NOX4: variants seen among roughly 807,000 people sequenced by gnomAD.
NOX4 encodes the protein kidney oxidase-1.
NOX4 carries 69 observed loss-of-function variants against 87.6 expected under a neutral mutation model. The ratio of observed to expected loss-of-function variants is 0.79; its 90% CI spans 0.65 to 0.96. NOX4 has a LOEUF of 0.96. Ranked by LOEUF, NOX4 falls within the 40% of genes least tolerant of loss-of-function variation. The probability of loss-of-function intolerance (pLI) is 0.00; values close to 1 mark genes in which losing one functional copy is unlikely to be tolerated. For synonymous variants in NOX4, 275 were observed against 238.2 expected, an observed-to-expected ratio of 1.15 and a Z score of -1.42; for missense variants, 680 against 681.5, an observed-to-expected ratio of 1.00 and a Z score of 0.02.
At chr11:89,528,376 G>T in the NOX4 span, among the ~76,000 whole-genome samples, 1 of 152,130 alleles carries the variant, frequency 6.6e-6, no homozygotes, top group African/African-American at 2.4e-5. Flanking sequence ...AGGCATGATT[G>T]GTTCTGAAAT....
intron 8 of NOX4, among the ~76,000 whole-genome samples, chr11:89,410,025 C>T (rs1942392138): frequency 6.6e-6 from 1 of 151,690 alleles, no homozygotes; most frequent in Non-Finnish European, 1.5e-5. Flanking sequence ...CTTTTGAGAC[C>T]AGCCTGAGCA....
upstream of NOX4, among the ~76,000 whole-genome samples, chr11:89,500,761 A>G (rs1947008012): frequency 6.6e-6 from 1 of 152,088 alleles, no homozygotes; most frequent in South Asian, 2.1e-4. Flanking sequence ...AATTTAGATG[A>G]CCTTGTAAAT....
At chr11:89,431,551 G>A (rs1358089936) in intron 7 of NOX4, among the ~76,000 whole-genome samples, 1 of 152,154 alleles carries the variant, frequency 6.6e-6, no homozygotes, top group Non-Finnish European at 1.5e-5. Context: ...GATATGAACA[G>A]ACACCTCTCA....
chr11:89,361,077 AGTC>A lies in NOX4; in HGVS notation c.1136-6037_1136-6035del, dbSNP rs1437981612. On this transcript the variant is annotated intron_variant, in intron 12 of 17. Transcript: ENST00000263317. ...AGAACTTAAAGTAAAACAACCATTC[AGTC>A]CAGCAATCTCACTACTAGGTATCTA... 2.0e-5 allele frequency among the ~76,000 whole-genome samples: 3 copies of A among 152,236 alleles called. No homozygotes were observed. The East Asian group carries it at 5.8e-4, about 29-fold the overall frequency.
At chr11:89,585,622 C>A in the NOX4 span, among the ~76,000 whole-genome samples, 1 of 152,124 alleles carries the variant, frequency 6.6e-6, no homozygotes, top group Admixed American at 6.6e-5. Flanking sequence ...ACTTCATTTA[C>A]AAAACAAGCA....
chr11:89,523,519 C>T, the NOX4 span, among the ~76,000 whole-genome samples: 1 of 152,256 alleles, frequency 6.6e-6, no homozygotes, highest in East Asian at 1.9e-4. Context: ...AGATACATAA[C>T]CAGGCTTTGT....
At chr11:89,376,123 G>A (rs186952549) in intron 11 of NOX4, among the ~76,000 whole-genome samples, 5 of 152,166 alleles carry the variant, frequency 3.3e-5, no homozygotes, top group Admixed American at 2.0e-4. Context: ...ATATATCTTC[G>A]AATGCTAATC....
At chr11:89,384,338 C>G (rs1202398676) in intron 11 of NOX4, among the ~76,000 whole-genome samples, 1 of 152,140 alleles carries the variant, frequency 6.6e-6, no homozygotes, top group Non-Finnish European at 1.5e-5. Context: ...AGCAAATTAC[C>G]TGGGCTGTAC....
chr11:89,565,727 A>T, the NOX4 span, among the ~76,000 whole-genome samples: 13 of 132,090 alleles, frequency 9.8e-5, no homozygotes, highest in African/African-American at 2.0e-4. Context: ...AAAGTATAAT[A>T]AAAAAAAAAA....
chr11:89,486,435 A>G (rs1267390782), intron 2 of NOX4, among the ~76,000 whole-genome samples: 1 of 149,464 alleles, frequency 6.7e-6, no homozygotes, highest in African/African-American at 2.4e-5. Context: ...CTGCAATTAC[A>G]TGCATGTGCC....
the NOX4 span, among the ~76,000 whole-genome samples, chr11:89,580,439 C>A: frequency 6.6e-6 from 1 of 152,112 alleles, no homozygotes; most frequent in Non-Finnish European, 1.5e-5. Flanking sequence ...CCCTAGACTT[C>A]CTGAAGTGCA....
At chr11:89,481,502 G>A (rs748924194) in intron 2 of NOX4, among the ~76,000 whole-genome samples, 1 of 151,980 alleles carries the variant, frequency 6.6e-6, no homozygotes, top group Non-Finnish European at 1.5e-5. Flanking sequence ...CCTAGGCTGA[G>A]AGAATAGTAT....
chr11:89,479,912 T>G (rs932109787), intron 2 of NOX4, among the ~76,000 whole-genome samples: 1 of 152,126 alleles, frequency 6.6e-6, no homozygotes, highest in Non-Finnish European at 1.5e-5. Context: ...GCTCTTTCAG[T>G]CATCCCTTGG....
At chr11:89,521,388 G>A in the NOX4 span, among the ~76,000 whole-genome samples, 1 of 151,996 alleles carries the variant, frequency 6.6e-6, no homozygotes, top group Non-Finnish European at 1.5e-5. Context: ...CCCACCTATA[G>A]CCATTTGATC....
At chr11:89,411,977 AT>A (rs1942504639) in intron 8 of NOX4, among the ~76,000 whole-genome samples, 1 of 152,188 alleles carries the variant, frequency 6.6e-6, no homozygotes, top group African/African-American at 2.4e-5. Flanking sequence ...ATGGAAAAAC[AT>A]ATTCCATGCC....
intron 12 of NOX4, among the ~76,000 whole-genome samples, chr11:89,366,261 C>T (rs1938975312): frequency 6.6e-6 from 1 of 152,028 alleles, no homozygotes; most frequent in Admixed American, 6.6e-5. Flanking sequence ...AGACTCTAAG[C>T]AACTTTTAGG....
the NOX4 span, among the ~76,000 whole-genome samples, chr11:89,572,222 C>T: frequency 6.6e-6 from 1 of 152,228 alleles, no homozygotes. Context: ...AATAAACTTT[C>T]TAAATTGATT....
chr11:89,432,734 T>C, intron 7 of NOX4, 50 bp downstream of exon 7: 1 of 1,353,064 alleles, frequency 7.4e-7, no homozygotes, highest in South Asian at 1.2e-5. Flanking sequence ...CAAGACTTTT[T>C]CTAAATAACC....
intron 12 of NOX4, among the ~76,000 whole-genome samples, chr11:89,364,178 T>C (rs1938750079): frequency 6.6e-6 from 1 of 152,036 alleles, no homozygotes; most frequent in South Asian, 2.1e-4. Context: ...GCCCAGGATT[T>C]TGAGGCTGCA....
Sources: allele counts gnomAD v4.1 joint callset (sites outside exome capture counted in the v4.1 genomes callset), GRCh38; gene constraint gnomAD v4.1.1; transcripts MANE v1.5; gene names NCBI Gene and HGNC (gene_info 2026-07-23, HGNC 2026-07-21).